SSC5D: variants seen among roughly 807,000 people sequenced by gnomAD.
SSC5D encodes scavenger receptor cysteine rich family member with 5 domains, also known as soluble scavenger receptor cysteine-rich domain-containing protein SSC5D.
Under a neutral mutation model 104.6 loss-of-function variants are expected in SSC5D, and 106 were observed. The observed-to-expected ratio is 1.01, with a 90% confidence interval of 0.87 to 1.19. The LOEUF is 1.19. Among genes scored for constraint, SSC5D ranks in the 50% most tolerant of loss-of-function variants. SSC5D has a pLI of 0.00. For synonymous variants in SSC5D, 860 were observed against 883.5 expected (o/e 0.97, Z 0.47); for missense variants, 1,993 against 2,153.8 (o/e 0.93, Z 1.48).
rs1987958277 is a variant in SSC5D, at chr19:55,518,858, C to G, written c.4582C>G (p.Leu1528Val). ...RQALLLGLTQ[L>V]VEAARGLGQL... is the part of the protein sequence containing the mutation. ...AGCCCTGCTGCTGGGGCTGACGCAG[C>G]TGGTAGAAGCTGCCCGGGGTCTGGG... The change falls in exon 14 of 14, where the codon CTG (leucine) becomes GTG (valine). Residue 1528 changes from leucine to valine, a missense_variant. By Grantham distance (32) the Leu-to-Val change is conservative. Transcript: ENST00000389623. The G allele has an allele frequency of 6.5e-7, 1 of 1,550,214 alleles. No homozygotes were observed. Among genetic ancestry groups the G allele is most frequent in the African/African-American group, 1.4e-5 (1 of 73,040 alleles).
chr19:55,504,790 C>T (rs369496460), intron 12 of SSC5D, among the ~76,000 whole-genome samples: 3 of 152,290 alleles, frequency 2.0e-5, no homozygotes, highest in Admixed American at 6.5e-5. Flanking sequence ...AGCCACCGCG[C>T]CCGGCCACCT....
At chr19:55,506,269 A>G (rs1987633190) in intron 12 of SSC5D, among the ~76,000 whole-genome samples, 1 of 151,138 alleles carries the variant, frequency 6.6e-6, no homozygotes, top group Non-Finnish European at 1.5e-5. Context: ...CTTGAAACTC[A>G]GTAGTTAATT....
At chr19:55,504,997 T>G (rs1020375796) in intron 12 of SSC5D, among the ~76,000 whole-genome samples, 1 of 151,906 alleles carries the variant, frequency 6.6e-6, no homozygotes, top group African/African-American at 2.4e-5. Flanking sequence ...CTGTTTTAAG[T>G]GATTTCACAC....
intron 9 of SSC5D, among the ~76,000 whole-genome samples, chr19:55,499,070 G>C (rs2123441393): frequency 6.6e-6 from 1 of 152,286 alleles, no homozygotes; most frequent in South Asian, 2.1e-4. Context: ...GGCATCCAGA[G>C]TGTTCGTGGG....
chr19:55,516,324 C>T (rs1987869725), intron 13 of SSC5D, among the ~76,000 whole-genome samples: 1 of 152,054 alleles, frequency 6.6e-6, no homozygotes, highest in Non-Finnish European at 1.5e-5. Context: ...GGTGAAACCC[C>T]GTCTCTACTA....
intron 12 of SSC5D, among the ~76,000 whole-genome samples, chr19:55,507,866 C>T (rs1001013698): frequency 1.3e-4 from 20 of 151,702 alleles, no homozygotes; most frequent in African/African-American, 2.9e-4. Flanking sequence ...TAGGGGCCAG[C>T]GTGGATGCAG....
Position 55,517,263 on chromosome 19 carries a change from G to A in SSC5D, c.2987G>A (p.Arg996Gln), listed in dbSNP as rs1987892193. Residue 996 changes from arginine (R) to glutamine (Q), a missense_variant, in exon 14 of 14, where the codon CGG (arginine) becomes CAG (glutamine). Around this residue, in one of 6 missense-constraint regions of SSC5D, gnomAD observed 423 missense variants for 409.2 expected, o/e 1.03. Coordinates refer to ENST00000389623, the MANE Select transcript of SSC5D (RefSeq NM_001144950.2). ...RKPWPERRPP[R>Q]PAATRTAPPT... is the part of the protein sequence containing the mutation. ...CCGTGGCCCGAGCGCCGGCCACCGCGGCCCGCTGCGACCAGGACAGCGCCC... is the reference window on the plus strand; with the variant it reads ...CCGTGGCCCGAGCGCCGGCCACCGCAGCCCGCTGCGACCAGGACAGCGCCC... 6.5e-7 allele frequency: 1 copy of A among 1,544,278 alleles called. No individual in the cohort carries two copies. Among genetic ancestry groups the A allele is most frequent in the Non-Finnish European group, 8.7e-7 (1 of 1,146,338 alleles).
At chr19:55,512,504 C>T (rs1263719402) in intron 12 of SSC5D, among the ~76,000 whole-genome samples, 6 of 139,420 alleles carry the variant, frequency 4.3e-5, no homozygotes, top group African/African-American at 8.0e-5. Flanking sequence ...TTTTTTGAGG[C>T]GGTGTCTCGC....
At chr19:55,489,244 A>G (rs1987055520) in intron 2 of SSC5D, 110 bp from the exon 3 acceptor site, 1 of 1,262,568 alleles carries the variant, frequency 7.9e-7, no homozygotes, top group Non-Finnish European at 1.0e-6. Flanking sequence ...GAGCAGGGCC[A>G]CTGGCCTACA....
Position 55,517,568 on chromosome 19 carries a change from C to G in SSC5D, c.3292C>G (p.Leu1098Val). 1 of 1,551,702 alleles carries G rather than the reference C, an allele frequency of 6.4e-7. No homozygotes were observed. Among genetic ancestry groups the G allele is most frequent in the Non-Finnish European group, 8.7e-7 (1 of 1,147,036 alleles). The change falls in exon 14 of 14, where the codon CTG (leucine) becomes GTG (valine). Residue 1098 changes from leucine to valine, a missense_variant. Around this residue, in one of 6 missense-constraint regions of SSC5D, gnomAD observed 423 missense variants for 409.2 expected, o/e 1.03. Coordinates refer to ENST00000389623, the MANE Select transcript of SSC5D (RefSeq NM_001144950.2). ...PTPLPTLPKE[L>V]TSDPSTPSEV... ...GCCCTTACCCACCTTGCCCAAAGAG[C>G]TGACCTCTGACCCTTCTACACCGTC...
intron 2 of SSC5D, 37 bp from the exon 3 acceptor site, chr19:55,489,317 G>T: frequency 7.0e-7 from 1 of 1,421,490 alleles, no homozygotes. Flanking sequence ...CCCCCAGGAT[G>T]CCCCTCCCCA....
intron 12 of SSC5D, 59 bp from the exon 13 acceptor site, chr19:55,512,952 G>T: frequency 6.5e-7 from 1 of 1,546,070 alleles, no homozygotes; most frequent in South Asian, 1.2e-5. Flanking sequence ...GGAGAGAGAC[G>T]GGGAGTCAAA....
At chr19:55,489,077 C>A in intron 2 of SSC5D, 45 bp downstream of exon 2, 1 of 969,104 alleles carries the variant, frequency 1.0e-6, no homozygotes, top group Non-Finnish European at 1.4e-6. Flanking sequence ...CCCCCCCAGG[C>A]CTCCCCCTTC....
At chr19:55,511,954 C>T (rs1987765637) in intron 12 of SSC5D, among the ~76,000 whole-genome samples, 1 of 152,020 alleles carries the variant, frequency 6.6e-6, no homozygotes, top group South Asian at 2.1e-4. Flanking sequence ...TTGATTGTGG[C>T]GATGGTCACG....
intron 6 of SSC5D, chr19:55,492,050 GTC>G (rs1242603475): frequency 6.6e-6 from 1 of 152,476 alleles, no homozygotes; most frequent in African/African-American, 2.4e-5. Flanking sequence ...GCTGACCCTA[GTC>G]TCTGCTGTAT....
chr19:55,511,983 A>G (rs892889530), intron 12 of SSC5D, among the ~76,000 whole-genome samples: 1 of 151,950 alleles, frequency 6.6e-6, no homozygotes, highest in Non-Finnish European at 1.5e-5. Context: ...TGAGTGGGTA[A>G]ACCCCCTCAG....
At chr19:55,497,771 G>A in intron 8 of SSC5D, 109 bp from the exon 9 acceptor site, 1 of 1,082,064 alleles carries the variant, frequency 9.2e-7, no homozygotes, top group Non-Finnish European at 1.3e-6. Flanking sequence ...TGGAGGGAAG[G>A]CCTAGATGGA....
At chr19:55,506,374 T>A (rs916188691) in intron 12 of SSC5D, among the ~76,000 whole-genome samples, 4 of 1,770 alleles carry the variant, frequency 2.3e-3, no homozygotes, top group Non-Finnish European at 7.8e-3. Flanking sequence ...GGAATTTGGA[T>A]TTTTTTTTTT....
Position 55,501,043 on chromosome 19 carries a change from A to T in SSC5D, c.2627A>T (p.Asp876Val). Residue 876 changes from aspartate to valine, a missense_variant, in exon 12 of 14, where the codon GAC (aspartate) becomes GTC (valine). Transcript: ENST00000389623. ...DVGLTCTGYT[D>V]YDDYPPWTWD... is the part of the protein sequence containing the mutation. ...CCCAATTTCTCCAAAGGCTACACAG[A>T]CTATGACGATTATCCCCCCTGGACC... 1 of 1,551,926 alleles carries T rather than the reference A, an allele frequency of 6.4e-7. No individual in the cohort carries two copies. The highest frequency in any genetic ancestry group is 1.2e-5 in the South Asian group (1 of 84,064).
Sources: allele counts gnomAD v4.1 joint callset (sites outside exome capture counted in the v4.1 genomes callset), GRCh38; gene constraint gnomAD v4.1.1; regional missense constraint gnomAD v4.1.1; transcripts MANE v1.5; gene names NCBI Gene and HGNC (gene_info 2026-07-23, HGNC 2026-07-21).